The following IGF2BP1 variants were observed in gnomAD, a reference collection of about 807,000 sequenced individuals.
The protein encoded by IGF2BP1 is insulin-like growth factor 2 mRNA-binding protein 1.
Under a neutral mutation model 74.9 loss-of-function variants are expected in IGF2BP1, and 11 were observed. The ratio of observed to expected loss-of-function variants is 0.15; its 90% CI spans 0.09 to 0.24. The LOEUF (loss-of-function observed/expected upper bound fraction) is 0.24, where lower values mean the gene tolerates loss of function less well. Among genes scored for constraint, IGF2BP1 ranks in the 10% least tolerant of loss-of-function variants. The pLI is 1.00. For synonymous variants in IGF2BP1, 287 were observed against 281.8 expected (o/e 1.02, Z -0.18); for missense variants, 440 against 757.4 (o/e 0.58, Z 4.92).
intron 2 of IGF2BP1, among the ~76,000 whole-genome samples, chr17:49,024,139 C>T (rs1359628802): frequency 7.0e-6 from 1 of 143,502 alleles, no homozygotes; most frequent in African/African-American, 2.6e-5. Context: ...CCATGTTGGC[C>T]AGGCTGGTCT....
intron 5 of IGF2BP1, among the ~76,000 whole-genome samples, 197 bp downstream of exon 5, chr17:49,032,170 C>T (rs2041929765): frequency 6.6e-6 from 1 of 152,138 alleles, no homozygotes; most frequent in South Asian, 2.1e-4. Flanking sequence ...TCCATTGTTT[C>T]AGGGATCTCA....
rs1353114505 is a variant in IGF2BP1 at position 49,049,708 on chromosome 17, T to A, written c.*264T>A. 2.4e-6 allele frequency: 1 copy of A among 415,714 alleles called. No homozygotes were observed. Among genetic ancestry groups the A allele is most frequent in the Non-Finnish European group, 4.4e-6 (1 of 225,846 alleles). The allele number at this position is 415,714 out of a possible 1,614,324, so 25.8% of individuals were successfully genotyped here. A position where few individuals can be genotyped will look rare whatever the true frequency, so the allele number is the denominator to read the frequency against. ...AAGGCACTTTTAAACGTGGATTGTTTAAAGAAGCTCTCCAGGCCCCACCAA... is the reference window on the plus strand; with the variant it reads ...AAGGCACTTTTAAACGTGGATTGTTAAAAGAAGCTCTCCAGGCCCCACCAA... On this transcript the variant is annotated 3_prime_UTR_variant, in exon 15 of 15. Coordinates refer to ENST00000290341, the MANE Select transcript of IGF2BP1 (RefSeq NM_006546.4).
intron 4 of IGF2BP1, among the ~76,000 whole-genome samples, chr17:49,027,853 GAAAAAAA>G (rs777784396): frequency 5.1e-4 from 22 of 42,890 alleles, no homozygotes; most frequent in Admixed American, 4.0e-3. Flanking sequence ...CTCTGTCTCA[GAAAAAAA>G]AAAAAAAAAA....
chr17:49,030,034 A>G (rs1466344204), intron 4 of IGF2BP1, among the ~76,000 whole-genome samples: 1 of 152,152 alleles, frequency 6.6e-6, no homozygotes, highest in Non-Finnish European at 1.5e-5. Flanking sequence ...TCCTGAGGCT[A>G]CAATGGCCAC....
intron 2 of IGF2BP1, among the ~76,000 whole-genome samples, chr17:49,003,877 C>T (rs1029384669): frequency 2.0e-5 from 3 of 151,916 alleles, no homozygotes; most frequent in East Asian, 1.9e-4. Flanking sequence ...ACAGTGTTAC[C>T]CACGGGAGAG....
intron 2 of IGF2BP1, among the ~76,000 whole-genome samples, chr17:49,005,236 T>G (rs2041536887): frequency 1.3e-5 from 2 of 152,218 alleles, no homozygotes; most frequent in African/African-American, 4.8e-5. Flanking sequence ...AAAGTAGGTT[T>G]GGACCTCATA....
chr17:48,999,952 G>GTT (rs1379210651), intron 2 of IGF2BP1, among the ~76,000 whole-genome samples: 1 of 151,404 alleles, frequency 6.6e-6, no homozygotes, highest in African/African-American at 2.4e-5. Context: ...GTGTGTGTGT[G>GTT]TGTGTGTGTG....
intron 2 of IGF2BP1, among the ~76,000 whole-genome samples, chr17:49,015,281 A>G (rs1355060439): frequency 6.6e-6 from 1 of 152,076 alleles, no homozygotes; most frequent in African/African-American, 2.4e-5. Flanking sequence ...CCGTGACCGT[A>G]TGGCTTTTAA....
At chr17:49,029,314 G>A (rs1171389867) in intron 4 of IGF2BP1, among the ~76,000 whole-genome samples, 1 of 152,190 alleles carries the variant, frequency 6.6e-6, no homozygotes, top group Admixed American at 6.6e-5. Context: ...GAAGACCAGA[G>A]CAGTTAAGAG....
chr17:49,016,753 C>A (rs1396181096), intron 2 of IGF2BP1, among the ~76,000 whole-genome samples: 1 of 151,620 alleles, frequency 6.6e-6, no homozygotes, highest in Non-Finnish European at 1.5e-5. Flanking sequence ...TTTTCTGGCC[C>A]CTACCCCTGC....
chr17:49,031,821 T>A lies in IGF2BP1; in HGVS notation c.338-89T>A, dbSNP rs1382608651. 4.2e-6 allele frequency: 5 copies of A among 1,189,282 alleles called. No homozygotes were observed. In the East Asian group the frequency reaches 9.4e-5, roughly 22 times the overall value. 73.7% of individuals were successfully genotyped at this position (1,189,282 alleles called of 1,614,324 possible). A position where few individuals can be genotyped will look rare whatever the true frequency, so the allele number is the denominator to read the frequency against. On this transcript the variant is annotated intron_variant, in intron 4 of 14. Coordinates refer to ENST00000290341, the MANE Select transcript of IGF2BP1 (RefSeq NM_006546.4). ...TCTGGCCTGCCAGATGTCTTCTTGATCTCAAAACGTGGAAAGCTGGAGTTG... is the reference window on the plus strand; with the variant it reads ...TCTGGCCTGCCAGATGTCTTCTTGAACTCAAAACGTGGAAAGCTGGAGTTG...
chr17:48,999,527 C>T (rs1191411826), intron 2 of IGF2BP1, among the ~76,000 whole-genome samples: 1 of 151,760 alleles, frequency 6.6e-6, no homozygotes, highest in Non-Finnish European at 1.5e-5. Context: ...AGACTCATGG[C>T]GATTTCTGCA....
At chr17:49,021,978 A>G (rs185213436) in intron 2 of IGF2BP1, among the ~76,000 whole-genome samples, 1 of 152,074 alleles carries the variant, frequency 6.6e-6, no homozygotes, top group Admixed American at 6.6e-5. Flanking sequence ...ACTGTTAACT[A>G]TTGTCAGCCC....
At chr17:49,036,114 GC>G (rs1006631199) in intron 5 of IGF2BP1, among the ~76,000 whole-genome samples, 19 of 149,528 alleles carry the variant, frequency 1.3e-4, no homozygotes, top group African/African-American at 4.5e-4. Context: ...TTGACTGGAA[GC>G]GACCGGCATA....
Position 49,055,140 on chromosome 17 carries a change from ATT to A in IGF2BP1, c.*5697_*5698del, listed in dbSNP as rs2042211298. ...TTGAGAATACTTTCCAAAAAATAAAATTAAAAAAAAAAAAACCAAAAAAAAAA... is the reference window on the plus strand; with the variant it reads ...TTGAGAATACTTTCCAAAAAATAAAAAAAAAAAAAAAAACCAAAAAAAAAA... On this transcript the variant is annotated 3_prime_UTR_variant, in exon 15 of 15. Transcript: ENST00000290341. 1.0e-5 allele frequency: 1 copy of A among 98,882 alleles called. No homozygotes were observed. 6.1% of individuals were successfully genotyped at this position (98,882 alleles called of 1,614,324 possible).
intron 2 of IGF2BP1, among the ~76,000 whole-genome samples, chr17:49,007,119 ATCC>A (rs561049685): frequency 1.2e-4 from 19 of 152,222 alleles, no homozygotes; most frequent in African/African-American, 4.6e-4. Flanking sequence ...GACTGTAAGA[ATCC>A]TCCTGGGGGT....
At chr17:49,042,107 CAG>C (rs2042059041) in intron 8 of IGF2BP1, 133 bp from the exon 9 acceptor site, 1 of 1,157,452 alleles carries the variant, frequency 8.6e-7, no homozygotes, top group African/African-American at 1.5e-5. Context: ...ACTGGGGTTG[CAG>C]AGTTATTTGC....
At chr17:49,014,139 T>TC (rs1469328570) in intron 2 of IGF2BP1, 1 of 147,066 alleles carries the variant, frequency 6.8e-6, no homozygotes, top group Non-Finnish European at 1.5e-5. Flanking sequence ...AGGGCGCCCC[T>TC]CCCCCGCCTC....
At chr17:49,032,325 C>G (rs1290747487) in intron 5 of IGF2BP1, among the ~76,000 whole-genome samples, 1 of 152,048 alleles carries the variant, frequency 6.6e-6, no homozygotes, top group African/African-American at 2.4e-5. Flanking sequence ...GAGTCCTTTG[C>G]CGTGTTCATG....
Sources: gnomAD v4.1 joint callset for allele counts (sites outside exome capture counted in the v4.1 genomes callset) on GRCh38, gnomAD v4.1.1 for gene constraint, MANE v1.5 for transcripts, NCBI Gene and HGNC (gene_info 2026-07-23, HGNC 2026-07-21) for gene names.